The following CHRM3 variants were observed in gnomAD, a reference collection of about 807,000 sequenced individuals.
CHRM3 encodes the protein muscarinic acetylcholine receptor M3.
In CHRM3, 11 loss-of-function variants were observed where a neutral mutation model predicts 41.8. That is an observed-to-expected ratio of 0.26 (90% CI 0.17 to 0.44). The LOEUF (loss-of-function observed/expected upper bound fraction) is 0.44. CHRM3 is among the 20% of genes least tolerant of loss of function. CHRM3 has a pLI of 1.00. For missense variants in CHRM3, 571 were observed against 745.4 expected (o/e 0.77, Z 2.72); for synonymous variants, 297 against 301.4 (o/e 0.99, Z 0.15).
At chr1:239,405,772 C>G (rs181217749) in intron 1 of CHRM3, among the ~76,000 whole-genome samples, 4 of 152,112 alleles carry the variant, frequency 2.6e-5, no homozygotes, top group Non-Finnish European at 2.9e-5. Flanking sequence ...ATATGAGTGA[C>G]AGAAGTTGCT....
rs565321910 is a variant in CHRM3 at position 239,694,902 on chromosome 1, G to A, written c.-147+16614G>A. Among the ~76,000 whole-genome samples the A allele has an allele frequency of 3.0e-4, 46 of 152,158 alleles. No homozygotes were observed. In the South Asian group the frequency reaches 9.1e-3, roughly 30 times the overall value. ...TCAGTCTTTTTTTTAACCTTGTAGA[G>A]TCGTGTATTTATTTTTCATTGGTGT... On this transcript the variant is annotated intron_variant, in intron 5 of 6. Coordinates refer to ENST00000676153, the MANE Select transcript of CHRM3 (RefSeq NM_001375978.1).
intron 5 of CHRM3, among the ~76,000 whole-genome samples, chr1:239,734,195 A>G (rs1664209229): frequency 6.6e-6 from 1 of 152,076 alleles, no homozygotes; most frequent in African/African-American, 2.4e-5. Flanking sequence ...CTTAAGGGAA[A>G]TAATTCTTCT....
intron 5 of CHRM3, among the ~76,000 whole-genome samples, chr1:239,710,060 A>C (rs1310366042): frequency 6.6e-6 from 1 of 152,204 alleles, no homozygotes; most frequent in Non-Finnish European, 1.5e-5. Context: ...TTTTGCTGAC[A>C]TCGACCTTGA....
intron 1 of CHRM3, among the ~76,000 whole-genome samples, chr1:239,426,565 A>G (rs771890827): frequency 1.3e-5 from 2 of 152,144 alleles, no homozygotes; most frequent in South Asian, 4.2e-4. Flanking sequence ...GTGTGTGAGC[A>G]TATGTGTGTG....
intron 1 of CHRM3, among the ~76,000 whole-genome samples, chr1:239,412,429 C>T (rs778580011): frequency 2.8e-5 from 4 of 144,386 alleles, no homozygotes; most frequent in Non-Finnish European, 4.5e-5. Context: ...CCAGGCCTGC[C>T]GTATAGCGAT....
At chr1:239,774,545 A>G (rs1260129791) in intron 5 of CHRM3, among the ~76,000 whole-genome samples, 1 of 152,202 alleles carries the variant, frequency 6.6e-6, no homozygotes, top group Non-Finnish European at 1.5e-5. Context: ...TGGATGGCAT[A>G]GTTTCCATCA....
intron 2 of CHRM3, among the ~76,000 whole-genome samples, chr1:239,541,757 C>T (rs1185075559): frequency 1.3e-5 from 2 of 152,200 alleles, no homozygotes; most frequent in African/African-American, 4.8e-5. Context: ...AAGCAATCCA[C>T]CTGCCTTGGC....
At chr1:239,462,679 C>G (rs1665445227) in intron 1 of CHRM3, among the ~76,000 whole-genome samples, 1 of 152,154 alleles carries the variant, frequency 6.6e-6, no homozygotes, top group Non-Finnish European at 1.5e-5. Context: ...AAAATAAAGT[C>G]TTAGATTTAC....
At chr1:239,832,318 T>C (rs962392630) in intron 6 of CHRM3, among the ~76,000 whole-genome samples, 14 of 151,922 alleles carry the variant, frequency 9.2e-5, no homozygotes, top group African/African-American at 3.4e-4. Context: ...CAAACTGGAG[T>C]CTGGTGCTGC....
chr1:239,867,890 C>A (rs1436851041), intron 6 of CHRM3, among the ~76,000 whole-genome samples: 2 of 152,106 alleles, frequency 1.3e-5, no homozygotes, highest in African/African-American at 4.8e-5. Flanking sequence ...CAACCCCAGT[C>A]CCCGGAAGTG....
intron 5 of CHRM3, among the ~76,000 whole-genome samples, chr1:239,793,614 C>T (rs756826885): frequency 5.3e-5 from 8 of 152,056 alleles, no homozygotes; most frequent in Non-Finnish European, 1.0e-4. Flanking sequence ...TGTAGATGCT[C>T]TTTTCTTCTT....
At chr1:239,669,731 C>A (rs968218198) in intron 4 of CHRM3, among the ~76,000 whole-genome samples, 1 of 152,138 alleles carries the variant, frequency 6.6e-6, no homozygotes. Context: ...TTCTAATATA[C>A]TAATTATAAT....
chr1:239,763,461 A>T (rs1666961017), intron 5 of CHRM3, among the ~76,000 whole-genome samples: 1 of 152,226 alleles, frequency 6.6e-6, no homozygotes, highest in Non-Finnish European at 1.5e-5. Context: ...TCCCAGAGAA[A>T]GGAACTTTCT....
intron 4 of CHRM3, among the ~76,000 whole-genome samples, chr1:239,673,131 CGT>C (rs1475243288): frequency 6.6e-6 from 1 of 152,102 alleles, no homozygotes; most frequent in Admixed American, 6.5e-5. Context: ...AGCTGGAGAA[CGT>C]GTCTGGGCCA....
intron 5 of CHRM3, among the ~76,000 whole-genome samples, chr1:239,783,141 T>A (rs918201008): frequency 2.6e-5 from 4 of 152,120 alleles, no homozygotes; most frequent in Non-Finnish European, 5.9e-5. Context: ...AGCTCAACTA[T>A]GTCCTTTCTG....
intron 6 of CHRM3, among the ~76,000 whole-genome samples, chr1:239,887,176 T>C (rs1678142985): frequency 6.6e-6 from 1 of 151,970 alleles, no homozygotes; most frequent in Non-Finnish European, 1.5e-5. Context: ...TGGTGTGTCA[T>C]GGGAACTCAT....
At chr1:239,754,243 T>C (rs1325050844) in intron 5 of CHRM3, among the ~76,000 whole-genome samples, 1 of 152,248 alleles carries the variant, frequency 6.6e-6, no homozygotes, top group Non-Finnish European at 1.5e-5. Flanking sequence ...AGTATAAATA[T>C]TTGTGTTCCA....
At chr1:239,491,427 A>G (rs1197400388) in intron 1 of CHRM3, among the ~76,000 whole-genome samples, 2 of 152,192 alleles carry the variant, frequency 1.3e-5, no homozygotes, top group Admixed American at 6.5e-5. Flanking sequence ...CCACATATGA[A>G]TGACAGCATG....
At chr1:239,825,204 A>AT (rs1234818425) in intron 5 of CHRM3, among the ~76,000 whole-genome samples, 1 of 152,168 alleles carries the variant, frequency 6.6e-6, no homozygotes, top group Non-Finnish European at 1.5e-5. Flanking sequence ...GGTCATTCGT[A>AT]TTTTATATCA....
Sources: gnomAD v4.1 joint callset for allele counts (sites outside exome capture counted in the v4.1 genomes callset) on GRCh38, gnomAD v4.1.1 for gene constraint, MANE v1.5 for transcripts, NCBI Gene and HGNC (gene_info 2026-07-23, HGNC 2026-07-21) for gene names.